SOX6: variants seen among roughly 807,000 people sequenced by gnomAD.
SOX6 encodes transcription factor SOX-6.
A neutral mutation model predicts 97.8 loss-of-function variants in SOX6; 11 were observed. That is an observed-to-expected ratio of 0.11 (90% CI 0.07 to 0.19). SOX6 has a LOEUF of 0.19. Among genes scored for constraint, SOX6 ranks in the 10% least tolerant of loss-of-function variants. The pLI, the probability that SOX6 is intolerant of heterozygous loss-of-function variation, is 1.00. For synonymous variants in SOX6, 360 were observed against 371.4 expected (o/e 0.97, Z 0.35); for missense variants, 810 against 1,039.5 (o/e 0.78, Z 3.04).
chr11:16,219,373 C>T (rs780004162), intron 4 of SOX6, among the ~76,000 whole-genome samples: 6 of 151,972 alleles, frequency 3.9e-5, no homozygotes, highest in Admixed American at 6.6e-5. Context: ...TTTACTATGT[C>T]AGGCCCATTC....
chr11:16,015,172 G>A (rs1429777056), intron 12 of SOX6, 122 bp from the exon 13 acceptor site: 10 of 838,594 alleles, frequency 1.2e-5, no homozygotes. Context: ...GACCAATGTG[G>A]ACTCTGAAAA....
At chr11:16,394,136 T>C (rs1418232018) in intron 1 of SOX6, among the ~76,000 whole-genome samples, 1 of 151,976 alleles carries the variant, frequency 6.6e-6, no homozygotes, top group Non-Finnish European at 1.5e-5. Flanking sequence ...TATTGTGAGA[T>C]TGAAACTTTT....
chr11:16,583,336 T>A (rs1039747227), intron 4 of SOX6, among the ~76,000 whole-genome samples: 1 of 151,700 alleles, frequency 6.6e-6, no homozygotes, highest in African/African-American at 2.4e-5. Context: ...AATAAATTAC[T>A]TTTAGCTATA....
intron 2 of SOX6, among the ~76,000 whole-genome samples, chr11:16,338,697 C>T (rs909327463): frequency 2.0e-5 from 3 of 151,934 alleles, no homozygotes; most frequent in Admixed American, 6.6e-5. Flanking sequence ...TGTTTGATAG[C>T]AAAAGAAAGT....
At chr11:16,662,524 C>T (rs372082553) in intron 3 of SOX6, among the ~76,000 whole-genome samples, 15 of 151,914 alleles carry the variant, frequency 9.9e-5, no homozygotes, top group African/African-American at 1.7e-4. Context: ...TCAAATCCAA[C>T]AATATAATAT....
chr11:16,602,914 G>A (rs1029751881), intron 4 of SOX6, among the ~76,000 whole-genome samples: 2 of 152,032 alleles, frequency 1.3e-5, no homozygotes, highest in South Asian at 2.1e-4. Context: ...CCAGTTACTC[G>A]GGAGACTGAG....
chr11:16,622,355 T>C (rs1319253772), intron 3 of SOX6, among the ~76,000 whole-genome samples: 6 of 152,218 alleles, frequency 3.9e-5, no homozygotes, highest in African/African-American at 1.4e-4. Context: ...TTCTGAGATT[T>C]GGGTACACCC....
At chr11:16,679,752 G>C (rs1034457934) in intron 3 of SOX6, among the ~76,000 whole-genome samples, 23 of 152,176 alleles carry the variant, frequency 1.5e-4, no homozygotes, top group African/African-American at 5.1e-4. Flanking sequence ...AAACAGTGTA[G>C]AGAAGACCTT....
upstream of SOX6, among the ~76,000 whole-genome samples, chr11:16,477,028 A>G (rs915741743): frequency 4.6e-5 from 7 of 152,180 alleles, no homozygotes; most frequent in African/African-American, 1.7e-4. Context: ...ATGCCTCTAC[A>G]TGCCTATGAT....
chr11:16,107,426 T>TAC (rs983412472), intron 7 of SOX6, among the ~76,000 whole-genome samples: 1 of 147,774 alleles, frequency 6.8e-6, no homozygotes, highest in Non-Finnish European at 1.5e-5. Flanking sequence ...TACATATATA[T>TAC]ACATATATAT....
chr11:16,026,296 A>G (rs1855214954), intron 12 of SOX6, among the ~76,000 whole-genome samples: 1 of 151,670 alleles, frequency 6.6e-6, no homozygotes, highest in Non-Finnish European at 1.5e-5. Context: ...ACTAAAAAAC[A>G]ATGCATTTTT....
intron 4 of SOX6, among the ~76,000 whole-genome samples, chr11:16,609,731 G>A (rs1388843019): frequency 3.3e-5 from 5 of 152,216 alleles, no homozygotes; most frequent in Admixed American, 3.3e-4. Context: ...AGAGATAAGA[G>A]TGAAGATGAG....
intron 4 of SOX6, among the ~76,000 whole-genome samples, chr11:16,497,452 A>G (rs1251240144): frequency 6.6e-6 from 1 of 152,234 alleles, no homozygotes; most frequent in African/African-American, 2.4e-5. Flanking sequence ...CAGCAACGGA[A>G]CAAAGCTGGA....
chr11:16,674,491 T>G (rs1847870972), intron 3 of SOX6, among the ~76,000 whole-genome samples: 1 of 152,192 alleles, frequency 6.6e-6, no homozygotes, highest in African/African-American at 2.4e-5. Flanking sequence ...ATCTGAAACA[T>G]GACAAGGATG....
chr11:16,088,391 T>A (rs2059559862), intron 9 of SOX6, among the ~76,000 whole-genome samples: 1 of 152,186 alleles, frequency 6.6e-6, no homozygotes, highest in African/African-American at 2.4e-5. Flanking sequence ...TATCTACCAT[T>A]ATACTCTCAT....
intron 1 of SOX6, among the ~76,000 whole-genome samples, chr11:16,472,686 G>T (rs149137711): frequency 1.2e-3 from 183 of 151,812 alleles, no homozygotes; most frequent in Middle Eastern, 6.8e-3. Context: ...TTTTTAAGCT[G>T]GTTCAAAATG....
At chr11:16,145,791 C>T (rs1287296090) in intron 6 of SOX6, among the ~76,000 whole-genome samples, 1 of 152,110 alleles carries the variant, frequency 6.6e-6, no homozygotes, top group East Asian at 1.9e-4. Flanking sequence ...ATCCAACTTA[C>T]AAGGGATGTG....
intron 1 of SOX6, among the ~76,000 whole-genome samples, chr11:16,464,863 T>C (rs1466504748): frequency 6.6e-6 from 1 of 152,140 alleles, no homozygotes; most frequent in Non-Finnish European, 1.5e-5. Flanking sequence ...TGAGTTGAAA[T>C]AAATAAACTT....
chr11:16,191,756 CT>C (rs1313111083), intron 4 of SOX6, among the ~76,000 whole-genome samples: 2 of 152,154 alleles, frequency 1.3e-5, no homozygotes, highest in African/African-American at 4.8e-5. Flanking sequence ...GTCAGCATGC[CT>C]TTTATCCAAC....
Sources: gnomAD v4.1 joint callset for allele counts (sites outside exome capture counted in the v4.1 genomes callset) on GRCh38, gnomAD v4.1.1 for gene constraint, MANE v1.5 for transcripts, NCBI Gene and HGNC (gene_info 2026-07-23, HGNC 2026-07-21) for gene names.